Variants in IFT172 observed in about 807,000 individuals in gnomAD.
The protein encoded by IFT172 is intraflagellar transport 172, also known as intraflagellar transport protein 172 homolog.
Under a neutral mutation model 248.9 loss-of-function variants are expected in IFT172, and 164 were observed. That is an observed-to-expected ratio of 0.66 (90% confidence interval 0.58 to 0.75). The LOEUF (loss-of-function observed/expected upper bound fraction) is 0.75, where lower values mean the gene tolerates loss of function less well. IFT172 is among the 30% of genes least tolerant of loss of function. The pLI, the probability that IFT172 is intolerant of heterozygous loss-of-function variation, is 0.00. For synonymous variants in IFT172, 729 were observed against 791.6 expected, an observed-to-expected ratio of 0.92 and a Z score of 1.33; for missense variants, 1,950 against 2,192.4, an observed-to-expected ratio of 0.89 and a Z score of 2.21.
At position 27,483,564 on chromosome 2, in the gene IFT172, ACTC is replaced by A. The variant is rs757747095; in HGVS notation, c.482+13_482+15del. The stretch of plus-strand genomic sequence containing the variant: ...AACACTTCCAGACTCTAGTGATACT[ACTC>A]CTCTTTACTCACTTTGTTGTCAGGG... On this transcript the variant is annotated intron_variant, in intron 6 of 47. Transcript: ENST00000260570. 4 of 1,611,292 alleles carry A rather than the reference ACTC, an allele frequency of 2.5e-6. No individual in the cohort carries two copies. In the South Asian group the frequency reaches 4.4e-5, roughly 18 times the overall value.
chr2:27,469,044 AT>A (rs1403086533), intron 16 of IFT172, among the ~76,000 whole-genome samples: 1 of 152,182 alleles, frequency 6.6e-6, no homozygotes, highest in Non-Finnish European at 1.5e-5. Flanking sequence ...CAAAGGCTAG[AT>A]AAAAACATGT....
rs563029798 is a variant in IFT172, at chr2:27,466,153, A to C, written c.1693-271T>G. 2.1e-5 allele frequency: 9 copies of C among 434,954 alleles called. No homozygotes were observed. In the South Asian group the frequency reaches 2.9e-4, roughly 14 times the overall value. The allele number at this position is 434,954 out of a possible 1,614,324, so 26.9% of individuals were successfully genotyped here. A position where few individuals can be genotyped will look rare whatever the true frequency, so the allele number is the denominator to read the frequency against. On this transcript the variant is annotated intron_variant, in intron 16 of 47. Transcript: ENST00000260570. ...TGCTTCCAGCAGTACCATAAGAGTA[A>C]GATATTCTTAAGGGATCTCTCATTA...
In IFT172 at chr2:27,484,233, G is replaced by C; in HGVS notation, c.330C>G (p.Ile110Met). 1 of 1,614,018 alleles carries C rather than the reference G, an allele frequency of 6.2e-7. No individual in the cohort carries two copies. Among genetic ancestry groups the C allele is most frequent in the Non-Finnish European group, 8.5e-7 (1 of 1,179,944 alleles). The stretch of plus-strand genomic sequence containing the variant: ...GGACTGGTCTGAACTTTACCGTCTG[G>C]ATGAACTTGTTGCAGATGACTTTCT... ...GDKKVICNKF[I>M]QTSAVTCLQW... The change falls in exon 4 of 48, where the codon ATC becomes ATG. Residue 110 changes from isoleucine to methionine, a missense_variant. By Grantham distance (10) the Ile-to-Met change is conservative. Transcript: ENST00000260570.
At position 27,459,799 on chromosome 2, in the gene IFT172, A is replaced by C; in HGVS notation, c.2552T>G (p.Val851Gly). The change falls in exon 24 of 48, where the codon GTG (valine) becomes GGG (glycine). Residue 851 changes from valine to glycine, a missense_variant. By Grantham distance (109) the Val-to-Gly change is moderately radical (BLOSUM62 -3). Around this residue, in one of 3 missense-constraint regions of IFT172, gnomAD observed 1,166 missense variants for 1,254.1 expected, o/e 0.93. Transcript: ENST00000260570. The stretch of plus-strand genomic sequence containing the variant: ...TGCCTCCTCTAGTTTCACCACCTCC[A>C]CTGGGAAGGCCAATCGAGCCAGCTC... ...AVELARLAFP[V>G]EVVKLEEAWG... 6.2e-7 allele frequency: 1 copy of C among 1,612,518 alleles called. No individual in the cohort carries two copies. Among genetic ancestry groups the C allele is most frequent in the Non-Finnish European group, 8.5e-7 (1 of 1,180,012 alleles).
chr2:27,446,108 C>T lies in IFT172; in HGVS notation c.4756-120G>A. On this transcript the variant is annotated intron_variant, in intron 43 of 47. Transcript: ENST00000260570. ...GCTTGAATGCTATTTCTCTGGGATC[C>T]AGGGAGAAAAATCCAGGAAGACATA... 3 of 1,414,750 alleles carry T rather than the reference C, an allele frequency of 2.1e-6. No individual in the cohort carries two copies. The South Asian group carries it at 3.5e-5, about 16-fold the overall frequency. The allele number at this position is 1,414,750 out of a possible 1,614,324, so 87.6% of individuals were successfully genotyped here.
chr2:27,479,482 A>C, intron 10 of IFT172, 27 bp downstream of exon 10: 1 of 1,288,490 alleles, frequency 7.8e-7, no homozygotes, highest in Non-Finnish European at 1.1e-6. Context: ...GCAAGTTCTC[A>C]GTGCAGTAGG....
chr2:27,458,811 T>C lies in IFT172; in HGVS notation c.2845A>G (p.Thr949Ala), dbSNP rs1666396574. ...DRTKDAIDMY[T>A]QAGRWEQAHK... is the part of the protein sequence containing the mutation. ...GCTTGTTCCCAACGACCAGCCTGGG[T>C]GTACATGTCTATGGCATCTTTTGTC... Residue 949 changes from threonine to alanine, a missense_variant, in exon 26 of 48, where the codon ACC (threonine) becomes GCC (alanine). Thr to Ala is a moderately conservative substitution (Grantham distance 58, BLOSUM62 0). Around this residue, in one of 3 missense-constraint regions of IFT172, gnomAD observed 1,166 missense variants for 1,254.1 expected, o/e 0.93. Transcript: ENST00000260570. 1 of 1,614,106 alleles carries C rather than the reference T, an allele frequency of 6.2e-7. No homozygotes were observed. The highest frequency in any genetic ancestry group is 1.7e-5 in the Admixed American group (1 of 60,012).
chr2:27,483,897 A>G lies in IFT172; in HGVS notation c.377T>C (p.Ile126Thr). ...TCLQWPAEYI[I>T]VFGLAEGKVR... ...CTTCCCTTCAGCCAGTCCAAAGACA[A>G]TGATGTATTCTGCCGGCCATTGCAG... The change falls in exon 5 of 48, where the codon ATT becomes ACT. Residue 126 changes from isoleucine (I) to threonine (T), a missense_variant. By Grantham distance (89) the Ile-to-Thr change is moderately conservative. Transcript: ENST00000260570. 1.2e-6 allele frequency: 2 copies of G among 1,613,944 alleles called. No homozygotes were observed. Among genetic ancestry groups the G allele is most frequent in the Non-Finnish European group, 1.7e-6 (2 of 1,179,850 alleles).
At chr2:27,456,188 C>T (rs1380402895) in intron 30 of IFT172, among the ~76,000 whole-genome samples, 1 of 151,794 alleles carries the variant, frequency 6.6e-6, no homozygotes, top group Non-Finnish European at 1.5e-5. Flanking sequence ...TCCAGCCTGG[C>T]GACGGAGTGA....
At chr2:27,444,651 T>C (rs1332064001) in intron 47 of IFT172, 130 bp from the exon 48 acceptor site, 3 of 686,030 alleles carry the variant, frequency 4.4e-6, no homozygotes, top group African/African-American at 3.6e-5. Context: ...TGTATGTGGG[T>C]TTTTTGTTTG....
intron 30 of IFT172, chr2:27,455,618 G>C: frequency 4.6e-6 from 1 of 216,958 alleles, no homozygotes; most frequent in Non-Finnish European, 9.2e-6. Context: ...GGCTGAGGCA[G>C]GAGAATGGCT....
Position 27,462,754 on chromosome 2 carries a change from G to C in IFT172, c.2062C>G (p.Leu688Val), listed in dbSNP as rs1476877230. ...GTDFYQVRAR[L>V]AMLEKNYKLA... Reference sequence around the variant, plus strand: ...TTGTAGTTCTTTTCCAGCATGGCTAGACGTGCTCGGACCTGATAAAAGTCT... The same window carrying C: ...TTGTAGTTCTTTTCCAGCATGGCTACACGTGCTCGGACCTGATAAAAGTCT... The change falls in exon 20 of 48, where the codon CTA becomes GTA. Residue 688 changes from leucine (L) to valine (V), a missense_variant. By Grantham distance (32) the Leu-to-Val change is conservative. This residue lies in a region of IFT172 where 1,166 missense variants were observed against 1,254.1 expected (regional missense o/e 0.93). Coordinates refer to ENST00000260570, the MANE Select transcript of IFT172 (RefSeq NM_015662.3). 6.2e-7 allele frequency: 1 copy of C among 1,614,062 alleles called. No homozygotes were observed. Among genetic ancestry groups the C allele is most frequent in the African/African-American group, 1.3e-5 (1 of 75,016 alleles).
At chr2:27,468,431 G>T (rs57812762) in intron 16 of IFT172, among the ~76,000 whole-genome samples, 2 of 151,640 alleles carry the variant, frequency 1.3e-5, no homozygotes, top group African/African-American at 4.8e-5. Flanking sequence ...ATGCGGTTTC[G>T]CCATGTTAGC....
intron 7 of IFT172, among the ~76,000 whole-genome samples, chr2:27,482,041 T>C (rs1416282853): frequency 1.3e-5 from 2 of 151,878 alleles, no homozygotes; most frequent in East Asian, 3.9e-4. Flanking sequence ...TGCAGTGCAG[T>C]GGCGCGTTCT....
Position 27,454,563 on chromosome 2 carries a change from A to T in IFT172, c.3465+4T>A. On this transcript the variant is annotated splice_donor_region_variant and intron_variant, in intron 31 of 47. Coordinates refer to ENST00000260570, the MANE Select transcript of IFT172 (RefSeq NM_015662.3). The surrounding 1 kb of genome is among the most constrained non-coding windows in gnomAD (Gnocchi z 4.2). ...TGCGGTCGGGGTCCAAATCACACCC[A>T]TACCTCATCCTCCAGGAACATAGCA... The T allele has an allele frequency of 6.2e-7, 1 of 1,613,978 alleles. No individual in the cohort carries two copies. The highest frequency in any genetic ancestry group is 8.5e-7 in the Non-Finnish European group (1 of 1,179,914).
chr2:27,470,181 C>T (rs1375441705), intron 16 of IFT172, among the ~76,000 whole-genome samples: 1 of 150,380 alleles, frequency 6.6e-6, no homozygotes, highest in Non-Finnish European at 1.5e-5. Flanking sequence ...GGAGGCTGAG[C>T]TGCAATGAGC....
At position 27,453,513 on chromosome 2, in the gene IFT172, C is replaced by CCTGTGGAGATGAGAGCG; in HGVS notation, c.3822-17_3822-1dup (p.Arg1274SerfsTer49). The CCTGTGGAGATGAGAGCG allele has an allele frequency of 6.2e-7, 1 of 1,614,004 alleles. No homozygotes were observed. Among genetic ancestry groups the CCTGTGGAGATGAGAGCG allele is most frequent in the Non-Finnish European group, 8.5e-7 (1 of 1,179,868 alleles). ...CTTGTTCCACAAATCCCTCCACACC[C>CCTGTGGAGATGAGAGCG]CTGTGGAGATGAGAGCGCTGGGACT... On this transcript the variant is annotated frameshift_variant and splice_region_variant. Coordinates refer to ENST00000260570, the MANE Select transcript of IFT172 (RefSeq NM_015662.3). LOFTEE classifies it high-confidence loss of function.
chr2:27,486,354 A>G (rs911052524), intron 1 of IFT172: 5 of 167,120 alleles, frequency 3.0e-5, no homozygotes, highest in Non-Finnish European at 7.3e-5. Context: ...CACTTCAGAG[A>G]AACCCAAGTT....
chr2:27,457,958 T>C lies in IFT172; in HGVS notation c.2994A>G (p.Gln998=), dbSNP rs753483115. The change falls in exon 28 of 48, where the codon CAA becomes CAG. Residue 998 remains glutamine, a synonymous_variant. Coordinates refer to ENST00000260570, the MANE Select transcript of IFT172 (RefSeq NM_015662.3). ...ACATGGTGATGGCAAGATCAGGCTC[T>C]TGTACTGTCACATATAGCCTGGGGA... is the stretch of plus-strand genomic sequence containing the variant. ...REAERLYVTV[Q]EPDLAITMYK... 2 of 1,614,088 alleles carry C rather than the reference T, an allele frequency of 1.2e-6. No homozygotes were observed. Among genetic ancestry groups the C allele is most frequent in the African/African-American group, 2.7e-5 (2 of 74,936 alleles).
Sources: allele counts gnomAD v4.1 joint callset (sites outside exome capture counted in the v4.1 genomes callset), GRCh38; gene constraint gnomAD v4.1.1; regional missense constraint gnomAD v4.1.1; non-coding constraint Gnocchi (gnomAD v3.1); transcripts MANE v1.5; gene names NCBI Gene and HGNC (gene_info 2026-07-23, HGNC 2026-07-21).